The following GABRB2 variants were observed in gnomAD, a reference collection of about 807,000 sequenced individuals.
GABRB2 encodes the protein gamma-aminobutyric acid receptor subunit beta-2.
GABRB2 carries 16 observed loss-of-function variants against 54.7 expected under a neutral mutation model. The observed-to-expected ratio is 0.29, with a 90% CI of 0.20 to 0.44. The LOEUF is 0.44. GABRB2 is among the 20% of genes least tolerant of loss of function. The pLI is 1.00. For synonymous variants in GABRB2, 244 were observed against 233.8 expected (o/e 1.04, Z -0.40); for missense variants, 355 against 644.0 (o/e 0.55, Z 4.86).
At chr5:161,341,005 T>C (rs528911533) in intron 5 of GABRB2, among the ~76,000 whole-genome samples, 1 of 152,164 alleles carries the variant, frequency 6.6e-6, no homozygotes, top group South Asian at 2.1e-4. Flanking sequence ...CTTGACTTTA[T>C]TTTAGGCTAA....
intron 3 of GABRB2, among the ~76,000 whole-genome samples, chr5:161,470,463 A>T (rs543237985): frequency 6.6e-6 from 1 of 152,122 alleles, no homozygotes; most frequent in Non-Finnish European, 1.5e-5. Flanking sequence ...AAAATAGAAC[A>T]ACTGTAACAA....
intron 5 of GABRB2, among the ~76,000 whole-genome samples, chr5:161,384,847 A>C (rs1311257616): frequency 6.6e-6 from 1 of 152,134 alleles, no homozygotes; most frequent in Non-Finnish European, 1.5e-5. Context: ...CTACATCCCC[A>C]TTCTTAGAGT....
intron 3 of GABRB2, among the ~76,000 whole-genome samples, chr5:161,519,236 A>AT (rs1317856320): frequency 6.6e-6 from 1 of 152,176 alleles, no homozygotes; most frequent in Non-Finnish European, 1.5e-5. Flanking sequence ...AGTGAATAGA[A>AT]ATTGATCCAT....
At chr5:161,325,384 T>C (rs374289477) in intron 9 of GABRB2, among the ~76,000 whole-genome samples, 2 of 152,094 alleles carry the variant, frequency 1.3e-5, no homozygotes, top group South Asian at 4.1e-4. Flanking sequence ...TTTATTACTA[T>C]ATAACACAAG....
chr5:161,435,688 C>T (rs1757287646), intron 4 of GABRB2, among the ~76,000 whole-genome samples: 1 of 152,004 alleles, frequency 6.6e-6, no homozygotes, highest in South Asian at 2.1e-4. Flanking sequence ...GGGCAGAGGG[C>T]CCAATAATGG....
At chr5:161,418,869 A>G (rs949541793) in intron 4 of GABRB2, among the ~76,000 whole-genome samples, 10 of 152,002 alleles carry the variant, frequency 6.6e-5, no homozygotes, top group African/African-American at 2.4e-4. Context: ...GCTCACACCT[A>G]TAATCCCAGC....
chr5:161,348,703 C>A (rs1394976517), intron 5 of GABRB2, among the ~76,000 whole-genome samples: 2 of 151,930 alleles, frequency 1.3e-5, no homozygotes, highest in Admixed American at 6.6e-5. Context: ...TTAAAAATTA[C>A]CAAAAAGTAG....
chr5:161,389,792 T>A (rs866145686), intron 5 of GABRB2, among the ~76,000 whole-genome samples: 3 of 152,068 alleles, frequency 2.0e-5, no homozygotes, highest in African/African-American at 4.8e-5. Context: ...ATATTTTACA[T>A]GGGTTTCTCT....
At chr5:161,356,637 G>C (rs1435839482) in intron 5 of GABRB2, among the ~76,000 whole-genome samples, 2 of 152,158 alleles carry the variant, frequency 1.3e-5, no homozygotes, top group Non-Finnish European at 2.9e-5. Context: ...GATAGCAACA[G>C]AGAGAACATA....
At chr5:161,398,688 G>GTTTTT (rs1756081952) in intron 5 of GABRB2, among the ~76,000 whole-genome samples, 1 of 150,926 alleles carries the variant, frequency 6.6e-6, no homozygotes, top group African/African-American at 2.4e-5. Context: ...TGTTGTTGTT[G>GTTTTT]TTTTTGTTTT....
chr5:161,427,891 A>G (rs941064484), intron 4 of GABRB2, among the ~76,000 whole-genome samples: 2 of 152,178 alleles, frequency 1.3e-5, no homozygotes, highest in African/African-American at 4.8e-5. Flanking sequence ...AGGTGGTGTA[A>G]CACTACAACA....
chr5:161,421,378 C>T (rs1354580163), intron 4 of GABRB2, among the ~76,000 whole-genome samples: 1 of 152,156 alleles, frequency 6.6e-6, no homozygotes, highest in African/African-American at 2.4e-5. Context: ...ACTTTTATAT[C>T]CTCTCTTTCC....
chr5:161,413,472 T>C (rs1021609566), intron 4 of GABRB2, among the ~76,000 whole-genome samples: 1 of 152,202 alleles, frequency 6.6e-6, no homozygotes, highest in Non-Finnish European at 1.5e-5. Context: ...CATTCGCATT[T>C]TATTGTTCAC....
At chr5:161,514,018 T>A (rs1281732901) in intron 3 of GABRB2, among the ~76,000 whole-genome samples, 2 of 152,126 alleles carry the variant, frequency 1.3e-5, no homozygotes, top group Admixed American at 6.6e-5. Context: ...CACATTTCAT[T>A]TGAAGCAAGA....
intron 5 of GABRB2, among the ~76,000 whole-genome samples, chr5:161,391,993 T>G (rs921309043): frequency 2.0e-5 from 3 of 152,106 alleles, no homozygotes; most frequent in African/African-American, 7.2e-5. Context: ...AGCAGAAAAA[T>G]TGACAGCAGG....
chr5:161,419,960 A>G (rs1347115565), intron 4 of GABRB2, among the ~76,000 whole-genome samples: 1 of 152,218 alleles, frequency 6.6e-6, no homozygotes, highest in African/African-American at 2.4e-5. Flanking sequence ...CTGAATCTAT[A>G]AAAATAAAAA....
At chr5:161,427,283 A>G (rs1180167033) in intron 4 of GABRB2, among the ~76,000 whole-genome samples, 1 of 152,182 alleles carries the variant, frequency 6.6e-6, no homozygotes, top group Non-Finnish European at 1.5e-5. Context: ...CATTTTCTGC[A>G]ATGGACCAAA....
intron 5 of GABRB2, among the ~76,000 whole-genome samples, chr5:161,341,576 T>C (rs1259100783): frequency 6.6e-6 from 1 of 151,576 alleles, no homozygotes; most frequent in Non-Finnish European, 1.5e-5. Flanking sequence ...AAAACAAATA[T>C]AAAAATCTAT....
intron 5 of GABRB2, among the ~76,000 whole-genome samples, chr5:161,344,794 C>T (rs748061135): frequency 2.0e-5 from 3 of 152,070 alleles, no homozygotes; most frequent in Admixed American, 6.6e-5. Flanking sequence ...GGAACCAATC[C>T]AAATGCCAAT....
Sources: gnomAD v4.1 joint callset for allele counts (sites outside exome capture counted in the v4.1 genomes callset) on GRCh38, gnomAD v4.1.1 for gene constraint, MANE v1.5 for transcripts, NCBI Gene and HGNC (gene_info 2026-07-23, HGNC 2026-07-21) for gene names.